The following RPTOR variants were observed in gnomAD, a reference collection of about 807,000 sequenced individuals.
RPTOR encodes regulatory-associated protein of mTOR.
In RPTOR, 21 loss-of-function variants were observed where a neutral mutation model predicts 169.9. The ratio of observed to expected loss-of-function variants is 0.12; its 90% confidence interval spans 0.09 to 0.18. RPTOR has a LOEUF of 0.18. Ranked by LOEUF, RPTOR falls within the 10% of genes least tolerant of loss-of-function variation. The pLI, the probability that RPTOR is intolerant of heterozygous loss-of-function variation, is 1.00. For synonymous variants in RPTOR, 732 were observed against 753.2 expected, an observed-to-expected ratio of 0.97 and a Z score of 0.46; for missense variants, 1,133 against 1,855.9, an observed-to-expected ratio of 0.61 and a Z score of 7.16.
chr17:80,852,150 C>T (rs1385830656), intron 11 of RPTOR, among the ~76,000 whole-genome samples: 2 of 152,182 alleles, frequency 1.3e-5, no homozygotes, highest in Non-Finnish European at 2.9e-5. Flanking sequence ...CCGCTGGACA[C>T]CTTGGTGCAC....
In RPTOR at chr17:80,960,826, C is replaced by A. The variant is rs1488441390; in HGVS notation, c.3606-568C>A. Reference sequence around the variant, plus strand: ...GTGGGCACAGCAGCCCCGGGCACTGCCTCTGCTGAGCACCCCCGTGGGCAG... The same window carrying A: ...GTGGGCACAGCAGCCCCGGGCACTGACTCTGCTGAGCACCCCCGTGGGCAG... On this transcript the variant is annotated intron_variant, in intron 30 of 33. Transcript: ENST00000306801. The surrounding 1 kb of genome is among the most constrained non-coding windows in gnomAD (Gnocchi z 4.8). 1 of 157,952 alleles carries A rather than the reference C, an allele frequency of 6.3e-6. No individual in the cohort carries two copies. Among genetic ancestry groups the A allele is most frequent in the Non-Finnish European group, 1.4e-5 (1 of 70,788 alleles). 9.8% of individuals were successfully genotyped at this position (157,952 alleles called of 1,614,324 possible).
At chr17:80,668,340 T>C (rs1429468447) in intron 3 of RPTOR, among the ~76,000 whole-genome samples, 1 of 152,208 alleles carries the variant, frequency 6.6e-6, no homozygotes, top group Admixed American at 6.5e-5. Flanking sequence ...ATTTTCATCA[T>C]GTTCCTAGGC....
chr17:80,627,861 G>A (rs2065408110), intron 2 of RPTOR, among the ~76,000 whole-genome samples: 1 of 148,950 alleles, frequency 6.7e-6, no homozygotes, highest in Non-Finnish European at 1.5e-5. Flanking sequence ...TTTTGAGATG[G>A]AGTTTTGCTC....
chr17:80,951,459 CG>C, intron 28 of RPTOR, among the ~76,000 whole-genome samples: 1 of 152,302 alleles, frequency 6.6e-6, no homozygotes, highest in South Asian at 2.1e-4. Flanking sequence ...GCTCTCACTG[CG>C]GGGGAAGGCA....
At chr17:80,895,914 A>G (rs1363788039) in intron 20 of RPTOR, among the ~76,000 whole-genome samples, 1 of 152,202 alleles carries the variant, frequency 6.6e-6, no homozygotes. Flanking sequence ...GTTTGTAATC[A>G]GCATTCATCA....
rs1479249730 is a variant in RPTOR at position 80,609,628 on chromosome 17, C to A, written c.163-16063C>A. ...GGCATGATGGCGCACGCCTGTAATT[C>A]CGGCTACTCAGGAGGCTGAGGCATG... On this transcript the variant is annotated intron_variant, in intron 1 of 33. Coordinates refer to ENST00000306801, the MANE Select transcript of RPTOR (RefSeq NM_020761.3). The surrounding 1 kb of genome is among the most constrained non-coding windows in gnomAD (Gnocchi z 4.8). Among the ~76,000 whole-genome samples, 2 of 152,136 alleles carry A rather than the reference C, an allele frequency of 1.3e-5. No individual in the cohort carries two copies. Among genetic ancestry groups the A allele is most frequent in the African/African-American group, 4.8e-5 (2 of 41,422 alleles).
intron 13 of RPTOR, among the ~76,000 whole-genome samples, chr17:80,866,965 A>G (rs2067999727): frequency 6.6e-6 from 1 of 152,186 alleles, no homozygotes; most frequent in Non-Finnish European, 1.5e-5. Flanking sequence ...ACTGAACATT[A>G]AGGAAGACGT....
chr17:80,690,542 C>T lies in RPTOR; in HGVS notation c.349-17299C>T, dbSNP rs79352585. The stretch of plus-strand genomic sequence containing the variant: ...GGATCATGTAGCCTGTAGAATTTAT[C>T]GTGGTCTCGATCTCGTCAGTGGCTT... On this transcript the variant is annotated intron_variant, in intron 3 of 33. Coordinates refer to ENST00000306801, the MANE Select transcript of RPTOR (RefSeq NM_020761.3). Among the ~76,000 whole-genome samples the T allele has an allele frequency of 4.6e-3, 700 of 152,062 alleles. 11 individuals carry two copies. The highest frequency in any genetic ancestry group is 0.038 in the East Asian group (195 of 5,158).
chr17:80,817,962 A>T (rs1021086332), intron 7 of RPTOR, among the ~76,000 whole-genome samples: 1 of 152,184 alleles, frequency 6.6e-6, no homozygotes, highest in African/African-American at 2.4e-5. Flanking sequence ...AGTAAGGAAG[A>T]TAAATCCTGG....
Position 80,963,740 on chromosome 17 carries a change from C to T in RPTOR, c.3940-522C>T, listed in dbSNP as rs1293328117. On this transcript the variant is annotated intron_variant, in intron 33 of 33. Transcript: ENST00000306801. ...CCCGTCCCCTCTGCGGCCCTCACCC[C>T]GTCCCCTCTGCGGCCCTCACCCCGT... Among the ~76,000 whole-genome samples the T allele has an allele frequency of 1.5e-4, 14 of 94,650 alleles. 1 individual carries two copies. The highest frequency in any genetic ancestry group is 4.6e-4 in the African/African-American group (10 of 21,808). The allele number at this position is 94,650 out of a possible 152,430, so 62.1% of individuals were successfully genotyped here. A position where few individuals can be genotyped will look rare whatever the true frequency, so the allele number is the denominator to read the frequency against.
intron 6 of RPTOR, among the ~76,000 whole-genome samples, chr17:80,787,090 G>A (rs1019281601): frequency 2.6e-5 from 4 of 152,262 alleles, no homozygotes; most frequent in Admixed American, 6.5e-5. Flanking sequence ...TGTGACCACC[G>A]CCCTGAGTGC....
intron 6 of RPTOR, among the ~76,000 whole-genome samples, chr17:80,775,002 G>T (rs8077901): frequency 0.27 from 41,368 of 152,076 alleles, 5,786 homozygotes; most frequent in African/African-American, 0.33. Context: ...TCGGGCTCCT[G>T]GGCCTGTGTC....
chr17:80,657,717 C>T (rs1471631914), intron 3 of RPTOR, among the ~76,000 whole-genome samples: 2 of 152,108 alleles, frequency 1.3e-5, no homozygotes, highest in Non-Finnish European at 1.5e-5. Flanking sequence ...GGCTGACTTA[C>T]TGGGGCATTT....
At chr17:80,774,123 T>G (rs536888707) in intron 6 of RPTOR, 31 of 985,272 alleles carry the variant, frequency 3.1e-5, no homozygotes, top group Non-Finnish European at 3.6e-5. Flanking sequence ...TCCTCTCCTG[T>G]TGGTGTGACT....
intron 21 of RPTOR, among the ~76,000 whole-genome samples, chr17:80,915,299 T>C (rs2068660192): frequency 8.4e-6 from 1 of 119,554 alleles, no homozygotes; most frequent in Non-Finnish European, 1.8e-5. Context: ...TCCTCTCTGC[T>C]GAGAGCTGAG....
At chr17:80,612,252 C>T (rs1003872869) in intron 1 of RPTOR, among the ~76,000 whole-genome samples, 1 of 152,174 alleles carries the variant, frequency 6.6e-6, no homozygotes, top group Non-Finnish European at 1.5e-5. Flanking sequence ...ACCTTACCCT[C>T]CCACGTAGCT....
At chr17:80,728,311 A>AT (rs1353102296) in intron 4 of RPTOR, among the ~76,000 whole-genome samples, 8 of 152,210 alleles carry the variant, frequency 5.3e-5, no homozygotes, top group Middle Eastern at 3.4e-3. Flanking sequence ...AGAATTATAG[A>AT]TTTTTTTATC....
rs1287751330 is a variant in RPTOR at position 80,726,116 on chromosome 17, G to A, written c.508-4444G>A. Among the ~76,000 whole-genome samples the A allele has an allele frequency of 2.0e-5, 3 of 152,266 alleles. No homozygotes were observed. Among genetic ancestry groups the A allele is most frequent in the East Asian group, 3.9e-4 (2 of 5,182 alleles). On this transcript the variant is annotated intron_variant, in intron 4 of 33. Transcript: ENST00000306801. The surrounding 1 kb of genome is among the most constrained non-coding windows in gnomAD (Gnocchi z 4.5). ...GGACAGACGCCGCTCACAGAGAAGCGACCACAGAGGCCCACATCCAAGCAG... is the reference window on the plus strand; with the variant it reads ...GGACAGACGCCGCTCACAGAGAAGCAACCACAGAGGCCCACATCCAAGCAG...
intron 20 of RPTOR, among the ~76,000 whole-genome samples, chr17:80,896,097 C>A (rs757234640): frequency 1.3e-5 from 2 of 152,012 alleles, no homozygotes; most frequent in Non-Finnish European, 2.9e-5. Flanking sequence ...TAAACATATT[C>A]TCCTACATTT....
Sources: gnomAD v4.1 joint callset for allele counts (sites outside exome capture counted in the v4.1 genomes callset) on GRCh38, gnomAD v4.1.1 for gene constraint, Gnocchi (gnomAD v3.1) non-coding constraint, MANE v1.5 for transcripts, NCBI Gene and HGNC (gene_info 2026-07-23, HGNC 2026-07-21) for gene names.